The following RNGTT variants were observed in gnomAD, a reference collection of about 807,000 sequenced individuals.
RNGTT encodes the protein RNA guanylyltransferase and 5'-phosphatase, also known as mRNA-capping enzyme.
A neutral mutation model predicts 79.3 loss-of-function variants in RNGTT; 33 were observed. The observed-to-expected ratio is 0.42, with a 90% CI of 0.32 to 0.56. RNGTT has a LOEUF of 0.56. Ranked by LOEUF, RNGTT falls within the 20% of genes least tolerant of loss-of-function variation. RNGTT has a pLI of 0.17. For missense variants in RNGTT, 497 were observed against 739.1 expected (o/e 0.67, Z 3.80); for synonymous variants, 222 against 235.9 (o/e 0.94, Z 0.54).
intron 14 of RNGTT, among the ~76,000 whole-genome samples, chr6:88,658,685 A>G (rs534540724): frequency 6.6e-6 from 1 of 152,336 alleles, no homozygotes; most frequent in African/African-American, 2.4e-5. Flanking sequence ...CCTACCCTCA[A>G]TTCAAGTGGG....
intron 12 of RNGTT, among the ~76,000 whole-genome samples, chr6:88,787,118 T>A (rs1345354097): frequency 3.9e-5 from 6 of 152,224 alleles, no homozygotes; most frequent in Non-Finnish European, 8.8e-5. Context: ...CCAAACTGAC[T>A]AATTGACTGT....
intron 11 of RNGTT, among the ~76,000 whole-genome samples, chr6:88,819,116 GA>G (rs1780420312): frequency 6.6e-6 from 1 of 151,964 alleles, no homozygotes; most frequent in South Asian, 2.1e-4. Context: ...ATGAGACCTA[GA>G]AAAAATTATT....
chr6:88,807,065 T>C (rs1408689160), intron 11 of RNGTT, among the ~76,000 whole-genome samples: 2 of 151,810 alleles, frequency 1.3e-5, no homozygotes, highest in African/African-American at 4.8e-5. Context: ...CACATGGGGG[T>C]GAACAACACA....
chr6:88,822,693 T>C (rs1471311738), intron 11 of RNGTT, among the ~76,000 whole-genome samples: 1 of 152,196 alleles, frequency 6.6e-6, no homozygotes, highest in Non-Finnish European at 1.5e-5. Flanking sequence ...TAGTGGCAAA[T>C]CTATCACATT....
Position 88,928,968 on chromosome 6 carries a change from A to C in RNGTT, c.367+17T>G. 1 of 1,571,392 alleles carries C rather than the reference A, an allele frequency of 6.4e-7. No homozygotes were observed. The highest frequency in any genetic ancestry group is 8.7e-7 in the Non-Finnish European group (1 of 1,154,844). On this transcript the variant is annotated intron_variant, in intron 4 of 15. Coordinates refer to ENST00000369485, the MANE Select transcript of RNGTT (RefSeq NM_003800.5). Reference sequence around the variant, plus strand: ...AAAATAAAATATTCAACAGTGGCAAAGTAAAGCCAAACATACCTATAAGTT... The same window carrying C: ...AAAATAAAATATTCAACAGTGGCAACGTAAAGCCAAACATACCTATAAGTT...
At chr6:88,940,767 G>C (rs1784820827) in intron 2 of RNGTT, among the ~76,000 whole-genome samples, 1 of 152,082 alleles carries the variant, frequency 6.6e-6, no homozygotes, top group Non-Finnish European at 1.5e-5. Context: ...TTACACATGA[G>C]ATCAAACTGT....
intron 6 of RNGTT, among the ~76,000 whole-genome samples, chr6:88,901,495 C>A (rs932107021): frequency 1.5e-5 from 1 of 65,810 alleles, no homozygotes; most frequent in East Asian, 3.8e-4. Flanking sequence ...GCACCCTGAT[C>A]TTTTTTTTTT....
intron 13 of RNGTT, among the ~76,000 whole-genome samples, chr6:88,710,146 G>A (rs1359083103): frequency 2.0e-5 from 3 of 152,178 alleles, no homozygotes; most frequent in Non-Finnish European, 2.9e-5. Context: ...TATAGTCCCA[G>A]CTACTCCGGA....
At chr6:88,636,304 G>T (rs1773097418) in intron 14 of RNGTT, among the ~76,000 whole-genome samples, 1 of 151,984 alleles carries the variant, frequency 6.6e-6, no homozygotes, top group Non-Finnish European at 1.5e-5. Flanking sequence ...GAATTCTGTG[G>T]TATAAGGAAG....
rs1025424431 is a variant in RNGTT, at chr6:88,873,249, A to T, written c.896+17246T>A. On this transcript the variant is annotated intron_variant, in intron 8 of 15. Transcript: ENST00000369485. ...GTTTCAAATGCACAGCCAACCAAGG[A>T]TCACCACACATTTGAAGAAACTAGA... Among the ~76,000 whole-genome samples, 5 of 152,190 alleles carry T rather than the reference A, an allele frequency of 3.3e-5. No homozygotes were observed. In the South Asian group the frequency reaches 8.3e-4, roughly 25 times the overall value.
chr6:88,707,387 T>C (rs910356295), intron 13 of RNGTT, among the ~76,000 whole-genome samples: 2 of 150,790 alleles, frequency 1.3e-5, no homozygotes, highest in African/African-American at 4.9e-5. Context: ...AGTATGTTTT[T>C]ATTCTTTTGG....
chr6:88,817,490 TAAAAAA>T (rs11354100), intron 11 of RNGTT, among the ~76,000 whole-genome samples: 14 of 44,564 alleles, frequency 3.1e-4, no homozygotes, highest in African/African-American at 7.8e-4. Context: ...AAAAAATAAG[TAAAAAA>T]AAAAAAAAAA....
chr6:88,740,189 T>G (rs984693411), intron 13 of RNGTT, among the ~76,000 whole-genome samples: 2 of 151,896 alleles, frequency 1.3e-5, no homozygotes, highest in Non-Finnish European at 2.9e-5. Flanking sequence ...TTACACCTGC[T>G]CAGAAAGGGA....
intron 9 of RNGTT, 62 bp downstream of exon 9, chr6:88,853,567 T>C: frequency 1.7e-6 from 2 of 1,164,846 alleles, no homozygotes; most frequent in Non-Finnish European, 2.4e-6. Flanking sequence ...AATACACATT[T>C]ACTTACAAGG....
intron 11 of RNGTT, among the ~76,000 whole-genome samples, chr6:88,818,896 G>A (rs985472726): frequency 7.2e-5 from 11 of 152,040 alleles, no homozygotes; most frequent in African/African-American, 2.4e-4. Flanking sequence ...CCATTTATGT[G>A]ACCATACATT....
chr6:88,860,944 C>G (rs147904720), intron 8 of RNGTT, among the ~76,000 whole-genome samples: 1 of 151,930 alleles, frequency 6.6e-6, no homozygotes, highest in African/African-American at 2.4e-5. Context: ...ATGTCCCTAA[C>G]ATATCCTTAA....
intron 14 of RNGTT, among the ~76,000 whole-genome samples, chr6:88,629,568 T>C (rs1383675215): frequency 6.6e-6 from 1 of 152,012 alleles, no homozygotes; most frequent in Admixed American, 6.6e-5. Context: ...GTTGTTCCAG[T>C]GAGGGTAAGG....
At position 88,909,969 on chromosome 6, in the gene RNGTT, T is replaced by A. The variant is rs538502857; in HGVS notation, c.368-3529A>T. Among the ~76,000 whole-genome samples the A allele has an allele frequency of 2.1e-4, 29 of 141,280 alleles. No individual in the cohort carries two copies. In the South Asian group the frequency reaches 3.8e-3, roughly 19 times the overall value. The allele number at this position is 141,280 out of a possible 152,430, so 92.7% of individuals were successfully genotyped here. A position where few individuals can be genotyped will look rare whatever the true frequency, so the allele number is the denominator to read the frequency against. On this transcript the variant is annotated intron_variant, in intron 4 of 15. Transcript: ENST00000369485. ...AACTCTCAAGGGAAAAAAGAATATTTAAAAAAAAAAAACCCATTCAATCAA... is the reference window on the plus strand; with the variant it reads ...AACTCTCAAGGGAAAAAAGAATATTAAAAAAAAAAAAACCCATTCAATCAA...
In RNGTT at chr6:88,612,758, C is replaced by T. The variant is rs1381368400; in HGVS notation, c.1755G>A (p.Met585Ile). The change falls in exon 16 of 16, where the codon ATG becomes ATA. Residue 585 changes from methionine to isoleucine, a missense_variant. Met to Ile is a conservative substitution (Grantham distance 10). This residue lies in a region of RNGTT where 53 missense variants were observed against 50.5 expected (regional missense o/e 1.05). Coordinates refer to ENST00000369485, the MANE Select transcript of RNGTT (RefSeq NM_003800.5). ...GTGGTCTTTTGGGAGGTGGTGGTGG[C>T]ATGAGCTCCGTGTCAGGGTCCAGAT... ...KHHLDPDTELMPPPPPKRPRP... is the reference protein window; with the variant it reads ...KHHLDPDTELIPPPPPKRPRP... 1 of 1,612,842 alleles carries T rather than the reference C, an allele frequency of 6.2e-7. No individual in the cohort carries two copies. Among genetic ancestry groups the T allele is most frequent in the South Asian group, 1.1e-5 (1 of 91,014 alleles).
Sources: allele counts gnomAD v4.1 joint callset (sites outside exome capture counted in the v4.1 genomes callset), GRCh38; gene constraint gnomAD v4.1.1; regional missense constraint gnomAD v4.1.1; transcripts MANE v1.5; gene names NCBI Gene and HGNC (gene_info 2026-07-23, HGNC 2026-07-21).